Variants in NRXN3 observed in about 807,000 individuals in gnomAD.
NRXN3 encodes neurexin 3.
Under a neutral mutation model 137.6 loss-of-function variants are expected in NRXN3, and 32 were observed. The ratio of observed to expected loss-of-function variants is 0.23; its 90% CI spans 0.18 to 0.31. The LOEUF (loss-of-function observed/expected upper bound fraction) is 0.31, where lower values mean the gene tolerates loss of function less well. Among genes scored for constraint, NRXN3 ranks in the 10% least tolerant of loss-of-function variants. NRXN3 has a pLI of 1.00. For missense variants in NRXN3, 1,574 were observed against 2,062.5 expected, an observed-to-expected ratio of 0.76 and a Z score of 4.59; for synonymous variants, 798 against 784.5, an observed-to-expected ratio of 1.02 and a Z score of -0.29.
intron 6 of NRXN3, among the ~76,000 whole-genome samples, chr14:78,690,114 T>C (rs1485356248): frequency 6.6e-6 from 1 of 152,196 alleles, no homozygotes; most frequent in Non-Finnish European, 1.5e-5. Context: ...AGTTCTAATA[T>C]TCATCATTAT....
intron 8 of NRXN3, among the ~76,000 whole-genome samples, chr14:78,735,059 G>A (rs1190334610): frequency 6.6e-6 from 1 of 152,178 alleles, no homozygotes; most frequent in Non-Finnish European, 1.5e-5. Context: ...AGTTCTCCAG[G>A]AAAGAGTTGA....
At chr14:78,234,260 G>A (rs184389498) in intron 1 of NRXN3, among the ~76,000 whole-genome samples, 164 of 152,302 alleles carry the variant, frequency 1.1e-3, no homozygotes, top group Non-Finnish European at 1.8e-3. Context: ...CATCCCATGA[G>A]ACACCAACAT....
intron 19 of NRXN3, among the ~76,000 whole-genome samples, chr14:79,780,367 G>A (rs886122374): frequency 6.6e-6 from 1 of 151,912 alleles, no homozygotes; most frequent in Non-Finnish European, 1.5e-5. Context: ...TTGAGAGGCC[G>A]AGGCAGGCAG....
At chr14:78,410,564 G>A (rs1567513046) in intron 4 of NRXN3, among the ~76,000 whole-genome samples, 1 of 152,160 alleles carries the variant, frequency 6.6e-6, no homozygotes, top group Admixed American at 6.5e-5. Context: ...GAACATCTTT[G>A]GTCCTACAGA....
At chr14:79,569,267 CAGA>C in intron 16 of NRXN3, among the ~76,000 whole-genome samples, 1 of 152,166 alleles carries the variant, frequency 6.6e-6, no homozygotes, top group Admixed American at 6.5e-5. Context: ...CTTCCACAAG[CAGA>C]AGGCTGAGTG....
intron 3 of NRXN3, among the ~76,000 whole-genome samples, chr14:78,285,495 C>T (rs2075049549): frequency 6.6e-6 from 1 of 152,070 alleles, no homozygotes; most frequent in Admixed American, 6.6e-5. Context: ...CTGATACAAC[C>T]CAGTAAAAAG....
intron 15 of NRXN3, among the ~76,000 whole-genome samples, chr14:79,014,162 T>C (rs1048248713): frequency 1.3e-5 from 2 of 152,160 alleles, no homozygotes; most frequent in African/African-American, 4.8e-5. Flanking sequence ...CTTACTTAGG[T>C]AAATTGCGTG....
intron 19 of NRXN3, among the ~76,000 whole-genome samples, chr14:79,791,505 GTAATTATAATTAATTATATATTA>G (rs1235317413): frequency 0.098 from 14,172 of 144,736 alleles, 883 homozygotes; most frequent in African/African-American, 0.17. Context: ...ATTATATATT[GTAATTATAATTAATTATATATTA>G]TAATAATTAT....
intron 15 of NRXN3, among the ~76,000 whole-genome samples, chr14:79,221,180 T>A (rs2069591232): frequency 1.3e-5 from 2 of 152,158 alleles, no homozygotes; most frequent in Non-Finnish European, 2.9e-5. Context: ...TGGCTCCAAG[T>A]CTTTGCTATT....
At chr14:78,914,857 G>A (rs1172302580) in intron 10 of NRXN3, among the ~76,000 whole-genome samples, 1 of 152,064 alleles carries the variant, frequency 6.6e-6, no homozygotes, top group Non-Finnish European at 1.5e-5. Flanking sequence ...AACGGGAGGT[G>A]CAGGAACATC....
At chr14:78,655,572 T>C (rs1367820671) in intron 6 of NRXN3, among the ~76,000 whole-genome samples, 1 of 152,186 alleles carries the variant, frequency 6.6e-6, no homozygotes, top group African/African-American at 2.4e-5. Flanking sequence ...TTTTCCTTTA[T>C]TAAAATGTGA....
intron 19 of NRXN3, among the ~76,000 whole-genome samples, chr14:79,749,837 A>G (rs2098991735): frequency 6.6e-6 from 1 of 152,120 alleles, no homozygotes; most frequent in South Asian, 2.1e-4. Context: ...CTTTGAGGTT[A>G]TATCATGTTC....
chr14:78,942,656 T>A (rs192543193), intron 10 of NRXN3, among the ~76,000 whole-genome samples: 6 of 152,058 alleles, frequency 3.9e-5, no homozygotes, highest in South Asian at 2.1e-4. Context: ...AGAGATTTGA[T>A]AAAAGACACA....
intron 15 of NRXN3, among the ~76,000 whole-genome samples, chr14:79,108,215 G>C (rs2052812258): frequency 1.3e-5 from 2 of 152,218 alleles, no homozygotes; most frequent in South Asian, 4.1e-4. Context: ...GTATTTTCAA[G>C]GGTGATTTTT....
At chr14:78,252,892 T>G (rs1413858458) in intron 2 of NRXN3, among the ~76,000 whole-genome samples, 1 of 152,238 alleles carries the variant, frequency 6.6e-6, no homozygotes, top group Admixed American at 6.5e-5. Flanking sequence ...AGATCACTTC[T>G]TTGTGATCCA....
chr14:78,655,309 AATT>A (rs2097776007), intron 6 of NRXN3, among the ~76,000 whole-genome samples: 1 of 152,222 alleles, frequency 6.6e-6, no homozygotes, highest in East Asian at 1.9e-4. Context: ...TGCTTATAAT[AATT>A]ATTAAGGATT....
intron 1 of NRXN3, among the ~76,000 whole-genome samples, chr14:78,183,866 A>G (rs999321248): frequency 1.3e-5 from 2 of 152,200 alleles, no homozygotes; most frequent in African/African-American, 4.8e-5. Context: ...ATCAAGATAG[A>G]AAAGGGAAGG....
At chr14:78,413,880 A>G (rs920636440) in intron 4 of NRXN3, among the ~76,000 whole-genome samples, 1 of 152,130 alleles carries the variant, frequency 6.6e-6, no homozygotes, top group Non-Finnish European at 1.5e-5. Context: ...AATAATCCCC[A>G]TGTGTCCATG....
At chr14:78,634,672 A>T (rs1357979350) in intron 4 of NRXN3, among the ~76,000 whole-genome samples, 1 of 152,212 alleles carries the variant, frequency 6.6e-6, no homozygotes, top group Non-Finnish European at 1.5e-5. Context: ...GTAAAGACTT[A>T]GTCATGTTCG....
Sources: allele counts gnomAD v4.1 joint callset (sites outside exome capture counted in the v4.1 genomes callset), GRCh38; gene constraint gnomAD v4.1.1; transcripts MANE v1.5; gene names NCBI Gene and HGNC (gene_info 2026-07-23, HGNC 2026-07-21).